Variants in LRRC7 observed in about 807,000 individuals in gnomAD.
LRRC7 encodes leucine-rich repeat-containing protein 7.
A neutral mutation model predicts 175.7 loss-of-function variants in LRRC7; 23 were observed. The ratio of observed to expected loss-of-function variants is 0.13; its 90% CI spans 0.09 to 0.19. The LOEUF (loss-of-function observed/expected upper bound fraction) is 0.19. Among genes scored for constraint, LRRC7 ranks in the 10% least tolerant of loss-of-function variants. LRRC7 has a pLI of 1.00. For synonymous variants in LRRC7, 685 were observed against 680.9 expected, an observed-to-expected ratio of 1.01 and a Z score of -0.09; for missense variants, 1,354 against 1,904.7, an observed-to-expected ratio of 0.71 and a Z score of 5.38.
chr1:69,583,897 G>A lies in LRRC7; in HGVS notation c.2+15256G>A, dbSNP rs956523135. 3.5e-4 allele frequency among the ~76,000 whole-genome samples: 53 copies of A among 152,060 alleles called. 1 individual carries two copies. The highest frequency in any genetic ancestry group is 1.2e-4 in the Non-Finnish European group (8 of 67,990). On this transcript the variant is annotated intron_variant, in intron 1 of 26. Transcript: ENST00000651989. ...CACCAATTATCAGTATGTATGCAAG[G>A]CCTCTCCAAGACAGAAAGGTATTTG...
intron 11 of LRRC7, among the ~76,000 whole-genome samples, chr1:70,002,626 C>T (rs1655638540): frequency 6.6e-6 from 1 of 152,056 alleles, no homozygotes; most frequent in East Asian, 1.9e-4. Context: ...TGTTTGCAAG[C>T]CTTGGAACTA....
rs1364226358 is a variant in LRRC7 at position 69,931,636 on chromosome 1, T to C, written c.711+66T>C. On this transcript the variant is annotated intron_variant, in intron 8 of 26. Coordinates refer to ENST00000651989, the MANE Select transcript of LRRC7 (RefSeq NM_001370785.2). ...GGAGATTCTTTCTTTTGCTCTGTCTTTGTAAACCAAGGTATTAACTTGATT... is the reference window on the plus strand; with the variant it reads ...GGAGATTCTTTCTTTTGCTCTGTCTCTGTAAACCAAGGTATTAACTTGATT... The C allele has an allele frequency of 5.3e-6, 7 of 1,327,790 alleles. No homozygotes were observed. In the Admixed American group the frequency reaches 1.2e-4, roughly 23 times the overall value. The allele number at this position is 1,327,790 out of a possible 1,614,324, so 82.3% of individuals were successfully genotyped here.
intron 7 of LRRC7, among the ~76,000 whole-genome samples, chr1:69,918,897 C>T (rs1318478864): frequency 2.6e-5 from 4 of 151,874 alleles, no homozygotes; most frequent in Non-Finnish European, 5.9e-5. Context: ...CCAGAACAAG[C>T]AAAAGAAAAT....
At chr1:69,579,617 T>C (rs1646108938) in intron 1 of LRRC7, among the ~76,000 whole-genome samples, 1 of 152,156 alleles carries the variant, frequency 6.6e-6, no homozygotes, top group Non-Finnish European at 1.5e-5. Context: ...AATGACTGTT[T>C]CAATGAATGA....
intron 7 of LRRC7, among the ~76,000 whole-genome samples, chr1:69,886,546 A>T (rs973733510): frequency 3.3e-5 from 5 of 151,878 alleles, no homozygotes; most frequent in African/African-American, 1.2e-4. Context: ...AATACAGCAC[A>T]CTGATGGGTC....
chr1:70,052,064 C>T (rs886343464), intron 22 of LRRC7, among the ~76,000 whole-genome samples: 1 of 151,958 alleles, frequency 6.6e-6, no homozygotes, highest in African/African-American at 2.4e-5. Context: ...AGAACATGTG[C>T]AGAAAATGGC....
At chr1:69,647,827 T>C (rs1051391264) in intron 1 of LRRC7, among the ~76,000 whole-genome samples, 4 of 152,150 alleles carry the variant, frequency 2.6e-5, no homozygotes, top group Non-Finnish European at 4.4e-5. Flanking sequence ...ATTTTTTCAA[T>C]TGATATATTA....
chr1:69,576,273 C>T (rs775724279), intron 1 of LRRC7, among the ~76,000 whole-genome samples: 86 of 151,552 alleles, frequency 5.7e-4, no homozygotes, highest in Non-Finnish European at 1.1e-3. Context: ...TAGTAAGATC[C>T]TTCCTTCTTC....
chr1:69,848,724 CT>C (rs1426516715), intron 7 of LRRC7, among the ~76,000 whole-genome samples: 6 of 152,012 alleles, frequency 3.9e-5, no homozygotes, highest in Non-Finnish European at 8.8e-5. Flanking sequence ...AAAAAGCTCG[CT>C]TTTCTGTCGA....
At chr1:69,913,809 A>G (rs1028095214) in intron 7 of LRRC7, among the ~76,000 whole-genome samples, 12 of 152,214 alleles carry the variant, frequency 7.9e-5, no homozygotes, top group African/African-American at 2.9e-4. Context: ...CACTGTGCTC[A>G]GCCTGAGTTT....
chr1:69,857,556 A>G (rs1289000842), intron 7 of LRRC7, among the ~76,000 whole-genome samples: 1 of 152,148 alleles, frequency 6.6e-6, no homozygotes, highest in Non-Finnish European at 1.5e-5. Flanking sequence ...CTTACAAGGG[A>G]TGTGAAGGAC....
chr1:69,862,685 A>G (rs1684481324), intron 7 of LRRC7, among the ~76,000 whole-genome samples: 1 of 152,178 alleles, frequency 6.6e-6, no homozygotes, highest in Non-Finnish European at 1.5e-5. Context: ...ATAATTTTTT[A>G]GAGTCATTGT....
intron 23 of LRRC7, among the ~76,000 whole-genome samples, chr1:70,072,377 C>T (rs1662451825): frequency 6.6e-6 from 1 of 152,128 alleles, no homozygotes; most frequent in Non-Finnish European, 1.5e-5. Context: ...TCATGAACAT[C>T]CTCATTACTT....
Position 70,143,488 on chromosome 1 carries a change from T to G in LRRC7, c.*21601T>G, listed in dbSNP as rs1667165382. On this transcript the variant is annotated 3_prime_UTR_variant, in exon 27 of 27. Transcript: ENST00000651989. The stretch of plus-strand genomic sequence containing the variant: ...CATATTGTATATTAATGCATGCATT[T>G]CACTGCATAGTTTATTGACACTACC... 1 of 152,208 alleles carries G rather than the reference T, an allele frequency of 6.6e-6. No individual in the cohort carries two copies. Among genetic ancestry groups the G allele is most frequent in the Admixed American group, 6.5e-5 (1 of 15,276 alleles). The allele number at this position is 152,208 out of a possible 1,614,324, so 9.4% of individuals were successfully genotyped here.
At chr1:69,849,892 G>A (rs1270438126) in intron 7 of LRRC7, among the ~76,000 whole-genome samples, 1 of 152,058 alleles carries the variant, frequency 6.6e-6, no homozygotes, top group African/African-American at 2.4e-5. Flanking sequence ...TCAGTGCCAA[G>A]GAATCTAACA....
chr1:69,736,186 C>A (rs921476511), intron 2 of LRRC7, among the ~76,000 whole-genome samples: 2 of 152,052 alleles, frequency 1.3e-5, no homozygotes, highest in East Asian at 3.9e-4. Context: ...AGATTAAACA[C>A]TACAGAAAAA....
chr1:69,667,244 T>C (rs562561503), intron 1 of LRRC7, among the ~76,000 whole-genome samples: 71 of 148,164 alleles, frequency 4.8e-4, no homozygotes, highest in African/African-American at 1.8e-3. Context: ...TCCTTGAGAA[T>C]GATCCATGTG....
chr1:69,689,502 G>C (rs1033977857), intron 2 of LRRC7, among the ~76,000 whole-genome samples: 4 of 152,090 alleles, frequency 2.6e-5, no homozygotes, highest in South Asian at 2.1e-4. Context: ...TGTATGTATA[G>C]TTTCACAAAT....
intron 1 of LRRC7, among the ~76,000 whole-genome samples, chr1:69,572,886 G>A (rs1054156725): frequency 5.3e-5 from 8 of 151,784 alleles, no homozygotes; most frequent in Admixed American, 5.3e-4. Flanking sequence ...TGTGTGTGTG[G>A]TTCTGTTTAG....
Sources: gnomAD v4.1 joint callset for allele counts (sites outside exome capture counted in the v4.1 genomes callset) on GRCh38, gnomAD v4.1.1 for gene constraint, MANE v1.5 for transcripts, NCBI Gene and HGNC (gene_info 2026-07-23, HGNC 2026-07-21) for gene names.